Variants in SLC45A4 observed in about 807,000 individuals in gnomAD.
The protein encoded by SLC45A4 is solute carrier family 45 member 4, also known as polyamine-transporter SLC45A4.
Under a neutral mutation model 63.7 loss-of-function variants are expected in SLC45A4, and 32 were observed. The ratio of observed to expected loss-of-function variants is 0.50; its 90% CI spans 0.38 to 0.67. The LOEUF is 0.67. SLC45A4 is among the 30% of genes least tolerant of loss of function. The probability of loss-of-function intolerance (pLI) is 0.00; values close to 1 mark genes in which losing one functional copy is unlikely to be tolerated. For missense variants in SLC45A4, 1,027 were observed against 1,157.7 expected (o/e 0.89, Z 1.64); for synonymous variants, 535 against 510.0 (o/e 1.05, Z -0.66).
Position 141,212,376 on chromosome 8 carries a change from G to T in SLC45A4, c.2122C>A (p.Leu708Met), listed in dbSNP as rs778033598. Reference protein sequence around the residue: ...VASVGSFLGFLTATFLVIYPN... With the variant: ...VASVGSFLGFMTATFLVIYPN... ...TAGATCACCAGGAATGTGGCCGTCA[G>T]GAAGCCCAGGAAAGAGCCCACAGAG... Residue 708 changes from leucine to methionine, a missense_variant, in exon 8 of 9, where the codon CTG (leucine) becomes ATG (methionine). Physicochemically the swap from Leu to Met is conservative, Grantham distance 15. Transcript: ENST00000517878. 60 of 1,613,706 alleles carry T rather than the reference G, an allele frequency of 3.7e-5. No homozygotes were observed. In the South Asian group the frequency reaches 6.6e-4, roughly 18 times the overall value.
chr8:141,230,135 C>A (rs911630912), intron 2 of SLC45A4: 34 of 456,228 alleles, frequency 7.5e-5, no homozygotes, highest in African/African-American at 6.6e-4. Context: ...CACAACACAG[C>A]CGGCCCGGTG....
rs538342180 is a variant in SLC45A4 at position 141,215,981 on chromosome 8, G to A, written c.1730-11C>T. 77 of 1,611,226 alleles carry A rather than the reference G, an allele frequency of 4.8e-5. No individual in the cohort carries two copies. The South Asian group carries it at 7.5e-4, about 16-fold the overall frequency. The stretch of plus-strand genomic sequence containing the variant: ...ACTTCTGTAACAGGGCTGCAGAGAG[G>A]GGCACAGGGACAAGGACAGTGGGCA... On this transcript the variant is annotated splice_polypyrimidine_tract_variant and intron_variant, in intron 6 of 8. Coordinates refer to ENST00000517878, the MANE Select transcript of SLC45A4 (RefSeq NM_001286646.2). The surrounding 1 kb of genome is among the most constrained non-coding windows in gnomAD (Gnocchi z 4.3).
chr8:141,301,749 A>G (rs1225867548), intron 1 of SLC45A4, among the ~76,000 whole-genome samples: 1 of 148,584 alleles, frequency 6.7e-6, no homozygotes, highest in African/African-American at 2.5e-5. Flanking sequence ...AAAAAAAAAA[A>G]AAAAAAAAAA....
intron 1 of SLC45A4, among the ~76,000 whole-genome samples, chr8:141,280,010 C>T (rs1014382047): frequency 6.6e-6 from 1 of 152,248 alleles, no homozygotes; most frequent in African/African-American, 2.4e-5. Context: ...GCAGCAGCGG[C>T]GGCCACAGGG....
At chr8:141,244,013 A>AT (rs1362055335) in intron 2 of SLC45A4, among the ~76,000 whole-genome samples, 1 of 152,098 alleles carries the variant, frequency 6.6e-6, no homozygotes, top group African/African-American at 2.4e-5. Context: ...CTACACATGG[A>AT]TTTTTGACTG....
intron 1 of SLC45A4, among the ~76,000 whole-genome samples, chr8:141,283,292 G>A (rs1830023582): frequency 6.6e-6 from 1 of 152,208 alleles, no homozygotes; most frequent in Non-Finnish European, 1.5e-5. Context: ...AAGATGAGCA[G>A]GTGGCGCTCA....
intron 2 of SLC45A4, among the ~76,000 whole-genome samples, chr8:141,223,924 C>T (rs1298342633): frequency 6.6e-6 from 1 of 152,202 alleles, no homozygotes; most frequent in East Asian, 1.9e-4. Context: ...TTACCATTTC[C>T]AGCAGTCCTC....
chr8:141,229,526 C>T lies in SLC45A4; in HGVS notation c.242-7761G>A, dbSNP rs184100838. Among the ~76,000 whole-genome samples, 32 of 152,282 alleles carry T rather than the reference C, an allele frequency of 2.1e-4. No individual in the cohort carries two copies. The East Asian group carries it at 5.4e-3, about 26-fold the overall frequency. On this transcript the variant is annotated intron_variant, in intron 2 of 8. Transcript: ENST00000517878. The surrounding 1 kb of genome is among the most constrained non-coding windows in gnomAD (Gnocchi z 5.0). The stretch of plus-strand genomic sequence containing the variant: ...CAGCTCCCCTGGTGTCCAGGCACTC[C>T]CTTGTCAAGGCCACAAGCTTCAAGG...
At position 141,278,748 on chromosome 8, in the gene SLC45A4, G is replaced by A. The variant is rs372525782; in HGVS notation, c.-400-24119C>T. ...AGAGGAAGCTGGGCTCCTTGCTAAC[G>A]TCTCAACAAGGCACAGACGCACCCG... is the stretch of plus-strand genomic sequence containing the variant. On this transcript the variant is annotated intron_variant, in intron 1 of 8. Transcript: ENST00000517878. The surrounding 1 kb of genome is among the most constrained non-coding windows in gnomAD (Gnocchi z 4.1). 4.6e-5 allele frequency among the ~76,000 whole-genome samples: 7 copies of A among 152,258 alleles called. No homozygotes were observed. Among genetic ancestry groups the A allele is most frequent in the African/African-American group, 9.6e-5 (4 of 41,472 alleles).
In SLC45A4 at chr8:141,217,187, G is replaced by A. The variant is rs779730137; in HGVS notation, c.1632C>T (p.Ala544=). Residue 544 remains alanine, a splice_region_variant and synonymous_variant, in exon 6 of 9, where the codon GCC becomes GCT. Transcript: ENST00000517878. ...CTTGCCAGGCGGTCGAGTTCGAGGG[G>A]GCCTGTTCCGGAAATGAGACGGGGG... ...GQVIFEGDPK[A]PSNSTAWQAY... is the part of the protein sequence containing the mutation. The A allele has an allele frequency of 6.2e-6, 10 of 1,613,428 alleles. No homozygotes were observed. The highest frequency in any genetic ancestry group is 4.5e-5 in the East Asian group (2 of 44,878).
At chr8:141,228,612 T>C in intron 2 of SLC45A4, 1 of 1,102,464 alleles carries the variant, frequency 9.1e-7, no homozygotes, top group Non-Finnish European at 1.1e-6. Flanking sequence ...AAACAGATGT[T>C]GCAACAAGCA....
intron 2 of SLC45A4, among the ~76,000 whole-genome samples, chr8:141,223,473 AG>A (rs1826783955): frequency 6.6e-6 from 1 of 152,214 alleles, no homozygotes; most frequent in African/African-American, 2.4e-5. Context: ...AAGAATGGGA[AG>A]CGGTCATTAC....
chr8:141,280,630 G>A (rs766158963), intron 1 of SLC45A4, among the ~76,000 whole-genome samples: 2 of 152,214 alleles, frequency 1.3e-5, no homozygotes, highest in Admixed American at 6.5e-5. Context: ...CAGCCAGGCT[G>A]AGTGGGTGCT....
At chr8:141,222,983 C>A (rs11991262) in intron 2 of SLC45A4, among the ~76,000 whole-genome samples, 5,486 of 152,278 alleles carry the variant, frequency 0.036, 324 homozygotes, top group African/African-American at 0.12. Flanking sequence ...CACTTCCTTA[C>A]GAAATAAAGG....
rs369877032 is a variant in SLC45A4 at position 141,221,778 on chromosome 8, C to T, written c.242-13G>A. ...TGCTCCGGAAGGCCTGCAAGGGACACGAGGGCCGTCGCACACGCAGGCACT... is the reference window on the plus strand; with the variant it reads ...TGCTCCGGAAGGCCTGCAAGGGACATGAGGGCCGTCGCACACGCAGGCACT... On this transcript the variant is annotated splice_polypyrimidine_tract_variant and intron_variant, in intron 2 of 8. Transcript: ENST00000517878. 1.1e-5 allele frequency: 18 copies of T among 1,607,726 alleles called. No homozygotes were observed. The highest frequency in any genetic ancestry group is 6.7e-5 in the Admixed American group (4 of 59,262).
Position 141,215,706 on chromosome 8 carries a change from G to GGGAA in SLC45A4, c.1941+49_1941+52dup. On this transcript the variant is annotated intron_variant, in intron 7 of 8. Coordinates refer to ENST00000517878, the MANE Select transcript of SLC45A4 (RefSeq NM_001286646.2). The surrounding 1 kb of genome is among the most constrained non-coding windows in gnomAD (Gnocchi z 4.3). ...AGCACAGGGCTCTGCTCTGTATGGA[G>GGGAA]GGAAGGCACTCAGGAGGCTGGAGCG... 5 of 1,576,186 alleles carry GGGAA rather than the reference G, an allele frequency of 3.2e-6. No homozygotes were observed. The highest frequency in any genetic ancestry group is 4.3e-6 in the Non-Finnish European group (5 of 1,154,608).
chr8:141,237,955 T>C (rs545784739), intron 2 of SLC45A4, among the ~76,000 whole-genome samples: 7 of 152,256 alleles, frequency 4.6e-5, no homozygotes, highest in African/African-American at 1.7e-4. Context: ...AAAAATACAA[T>C]GATCTGAAAT....
chr8:141,304,664 C>G (rs1165374457), intron 1 of SLC45A4, among the ~76,000 whole-genome samples: 1 of 152,032 alleles, frequency 6.6e-6, no homozygotes, highest in Non-Finnish European at 1.5e-5. Flanking sequence ...GCCCTTCTCT[C>G]CATCATCAGG....
rs1479289467 is a variant in SLC45A4 at position 141,215,554 on chromosome 8, AAGG to A, written c.1941+202_1941+204del. 2.0e-5 allele frequency among the ~76,000 whole-genome samples: 3 copies of A among 152,014 alleles called. No individual in the cohort carries two copies. Among genetic ancestry groups the A allele is most frequent in the Non-Finnish European group, 4.4e-5 (3 of 68,000 alleles). On this transcript the variant is annotated intron_variant, in intron 7 of 8. Coordinates refer to ENST00000517878, the MANE Select transcript of SLC45A4 (RefSeq NM_001286646.2). The surrounding 1 kb of genome is among the most constrained non-coding windows in gnomAD (Gnocchi z 4.3). ...GGTGCTAGGGGGGTGGGGGCGGCTG[AAGG>A]AGAAGACCCTTTGTGGCCAGGGACC...
Sources: gnomAD v4.1 joint callset for allele counts (sites outside exome capture counted in the v4.1 genomes callset) on GRCh38, gnomAD v4.1.1 for gene constraint, Gnocchi (gnomAD v3.1) non-coding constraint, MANE v1.5 for transcripts, NCBI Gene and HGNC (gene_info 2026-07-23, HGNC 2026-07-21) for gene names.